Variants in PLPP1 observed in about 807,000 individuals in gnomAD.
PLPP1 encodes the protein lipid phosphate phosphohydrolase 1a.
Under a neutral mutation model 31.2 loss-of-function variants are expected in PLPP1, and 24 were observed. The observed-to-expected ratio is 0.77, with a 90% confidence interval of 0.56 to 1.08. PLPP1 has a LOEUF of 1.08. Among genes scored for constraint, PLPP1 ranks in the 50% least tolerant of loss-of-function variants. The pLI is 0.00. For synonymous variants in PLPP1, 146 were observed against 126.3 expected, an observed-to-expected ratio of 1.16 and a Z score of -1.05; for missense variants, 319 against 342.7, an observed-to-expected ratio of 0.93 and a Z score of 0.55.
chr5:55,440,361 C>T (rs1177242697), intron 4 of PLPP1, among the ~76,000 whole-genome samples: 1 of 152,200 alleles, frequency 6.6e-6, no homozygotes, highest in Non-Finnish European at 1.5e-5. Context: ...CTAGCTATTG[C>T]TCAGCCTTCC....
intron 3 of PLPP1, among the ~76,000 whole-genome samples, chr5:55,463,261 G>T (rs193114781): frequency 6.6e-6 from 1 of 152,076 alleles, no homozygotes; most frequent in African/African-American, 2.4e-5. Context: ...TAGATGACGG[G>T]TTGATAGGTG....
chr5:55,459,121 A>G (rs1311209717), intron 3 of PLPP1, among the ~76,000 whole-genome samples: 3 of 151,880 alleles, frequency 2.0e-5, no homozygotes, highest in East Asian at 1.9e-4. Context: ...AACAATAAGC[A>G]TAAGAGAATT....
intron 3 of PLPP1, among the ~76,000 whole-genome samples, chr5:55,451,886 T>A (rs917571982): frequency 6.6e-6 from 1 of 152,152 alleles, no homozygotes; most frequent in African/African-American, 2.4e-5. Context: ...TCACATTTCC[T>A]TCAGTATCCC....
At chr5:55,442,967 A>G (rs1751658820) in intron 3 of PLPP1, among the ~76,000 whole-genome samples, 1 of 151,652 alleles carries the variant, frequency 6.6e-6, no homozygotes, top group Non-Finnish European at 1.5e-5. Context: ...GCATCTCCCA[A>G]CCACTTTTCC....
intron 1 of PLPP1, among the ~76,000 whole-genome samples, chr5:55,478,516 G>T (rs1752604984): frequency 1.3e-5 from 2 of 152,158 alleles, no homozygotes; most frequent in South Asian, 4.1e-4. Flanking sequence ...AGCAGAAGGG[G>T]TCTAGGACAG....
intron 3 of PLPP1, among the ~76,000 whole-genome samples, chr5:55,452,651 C>A (rs957722365): frequency 6.6e-6 from 1 of 152,118 alleles, no homozygotes; most frequent in Non-Finnish European, 1.5e-5. Flanking sequence ...GTCAATTCAG[C>A]CCCTGTTTCC....
chr5:55,436,785 A>G (rs568970303), intron 4 of PLPP1, among the ~76,000 whole-genome samples: 1 of 152,362 alleles, frequency 6.6e-6, no homozygotes, highest in Non-Finnish European at 1.5e-5. Context: ...CATCTGTGAT[A>G]CTACTTAGGC....
chr5:55,483,381 T>C (rs1429896567), intron 1 of PLPP1, among the ~76,000 whole-genome samples: 1 of 152,054 alleles, frequency 6.6e-6, no homozygotes, highest in Non-Finnish European at 1.5e-5. Flanking sequence ...TCAAAGTACA[T>C]TATTCGAGGC....
chr5:55,426,487 A>AAACT lies in PLPP1; in HGVS notation c.550-452_550-449dup, dbSNP rs1024948898. 3.3e-5 allele frequency among the ~76,000 whole-genome samples: 5 copies of AAACT among 151,388 alleles called. No individual in the cohort carries two copies. In the East Asian group the frequency reaches 9.7e-4, roughly 29 times the overall value. ...GTGTAGTCATACTCACTGCAGCCTC[A>AAACT]AACTCCTGGGCTCAAGCAATCTTTC... is the stretch of plus-strand genomic sequence containing the variant. On this transcript the variant is annotated intron_variant, in intron 4 of 5. Transcript: ENST00000307259.
At chr5:55,441,721 C>A (rs1276224679) in intron 4 of PLPP1, 130 bp downstream of exon 4, 12 of 998,610 alleles carry the variant, frequency 1.2e-5, no homozygotes, top group Non-Finnish European at 1.7e-5. Context: ...ATGAAACTTA[C>A]AGATTTGCAG....
chr5:55,514,720 G>A (rs764437343), intron 1 of PLPP1, among the ~76,000 whole-genome samples: 7 of 152,074 alleles, frequency 4.6e-5, no homozygotes, highest in South Asian at 2.1e-4. Context: ...TGCCAAAAAC[G>A]ACTGGCAAAA....
intron 1 of PLPP1, among the ~76,000 whole-genome samples, chr5:55,506,264 A>T (rs965718478): frequency 1.4e-4 from 2 of 14,146 alleles, no homozygotes; most frequent in South Asian, 3.3e-3. Context: ...GCAAATTACT[A>T]AAAAAAAAAA....
In PLPP1 at chr5:55,432,132, C is replaced by T. The variant is rs1033063238; in HGVS notation, c.550-6093G>A. 5.0e-5 allele frequency among the ~76,000 whole-genome samples: 7 copies of T among 140,592 alleles called. No individual in the cohort carries two copies. The South Asian group carries it at 8.9e-4, about 18-fold the overall frequency. The allele number at this position is 140,592 out of a possible 152,430, so 92.2% of individuals were successfully genotyped here. A position where few individuals can be genotyped will look rare whatever the true frequency, so the allele number is the denominator to read the frequency against. On this transcript the variant is annotated intron_variant, in intron 4 of 5. Transcript: ENST00000307259. The stretch of plus-strand genomic sequence containing the variant: ...TTTTTTTTTTTTTTTTTGGTAGAGA[C>T]AGGGTCTTGCTATGTTGCCCAGGCT...
intron 4 of PLPP1, among the ~76,000 whole-genome samples, chr5:55,438,847 GC>G (rs755402413): frequency 1.3e-5 from 2 of 151,742 alleles, no homozygotes; most frequent in Non-Finnish European, 2.9e-5. Context: ...CTTGCAGTGA[GC>G]CGAGATCGCG....
At chr5:55,474,228 C>T (rs1304254101) in intron 2 of PLPP1, among the ~76,000 whole-genome samples, 6 of 152,074 alleles carry the variant, frequency 3.9e-5, no homozygotes, top group Non-Finnish European at 8.8e-5. Flanking sequence ...AACTCCTGAT[C>T]TCAGGTGATC....
chr5:55,425,627 C>A, intron 5 of PLPP1: 1 of 459,666 alleles, frequency 2.2e-6, no homozygotes, highest in South Asian at 5.8e-5. Context: ...AAAACTATTT[C>A]TAGCCAGAGC....
chr5:55,495,220 G>A (rs1182339073), intron 1 of PLPP1, among the ~76,000 whole-genome samples: 1 of 151,974 alleles, frequency 6.6e-6, no homozygotes, highest in Non-Finnish European at 1.5e-5. Context: ...GTAAGTTGTT[G>A]GCATTAGAAT....
At chr5:55,515,098 A>G (rs1355793426) in intron 1 of PLPP1, among the ~76,000 whole-genome samples, 1 of 152,248 alleles carries the variant, frequency 6.6e-6, no homozygotes, top group African/African-American at 2.4e-5. Flanking sequence ...GCGACCTAAC[A>G]CAAGAAAATA....
chr5:55,489,105 G>C (rs1752834066), intron 1 of PLPP1, among the ~76,000 whole-genome samples: 1 of 152,148 alleles, frequency 6.6e-6, no homozygotes, highest in Non-Finnish European at 1.5e-5. Context: ...GGCTAAGGCA[G>C]GAAAATCACC....
Sources: gnomAD v4.1 joint callset for allele counts (sites outside exome capture counted in the v4.1 genomes callset) on GRCh38, gnomAD v4.1.1 for gene constraint, MANE v1.5 for transcripts, NCBI Gene and HGNC (gene_info 2026-07-23, HGNC 2026-07-21) for gene names.